Variants in BRINP3 observed in about 807,000 individuals in gnomAD.
BRINP3 encodes the protein BMP/retinoic acid-inducible neural-specific protein 3.
BRINP3 carries 19 observed loss-of-function variants against 71.0 expected under a neutral mutation model. That is an observed-to-expected ratio of 0.27 (90% confidence interval 0.19 to 0.39). BRINP3 has a LOEUF of 0.39. Among genes scored for constraint, BRINP3 ranks in the 10% least tolerant of loss-of-function variants. The pLI, the probability that BRINP3 is intolerant of heterozygous loss-of-function variation, is 1.00. For missense variants in BRINP3, 959 were observed against 940.8 expected (o/e 1.02, Z -0.25); for synonymous variants, 380 against 337.7 (o/e 1.13, Z -1.37).
chr1:190,286,660 C>T (rs1663447920), intron 2 of BRINP3, among the ~76,000 whole-genome samples: 1 of 152,076 alleles, frequency 6.6e-6, no homozygotes, highest in Non-Finnish European at 1.5e-5. Flanking sequence ...TTTCACATTA[C>T]TATATTTGTT....
intron 2 of BRINP3, among the ~76,000 whole-genome samples, chr1:190,309,499 G>A (rs1368366209): frequency 2.0e-5 from 3 of 151,388 alleles, no homozygotes; most frequent in East Asian, 1.9e-4. Flanking sequence ...ACATGATTTC[G>A]GCATATATTG....
At chr1:190,211,813 A>G (rs528901761) in intron 6 of BRINP3, among the ~76,000 whole-genome samples, 19 of 152,212 alleles carry the variant, frequency 1.2e-4, no homozygotes, top group Non-Finnish European at 2.8e-4. Context: ...GTTAAAAATT[A>G]ATTGAAGTTC....
intron 2 of BRINP3, among the ~76,000 whole-genome samples, chr1:190,406,242 A>T (rs903646741): frequency 5.3e-5 from 8 of 152,214 alleles, no homozygotes; most frequent in African/African-American, 9.7e-5. Flanking sequence ...TGTGCTACTA[A>T]TTCTTAGACA....
At chr1:190,141,216 T>A (rs1655403445) in intron 7 of BRINP3, among the ~76,000 whole-genome samples, 1 of 152,094 alleles carries the variant, frequency 6.6e-6, no homozygotes, top group South Asian at 2.1e-4. Context: ...GATTTGTATC[T>A]CTTGTGGAAA....
chr1:190,214,706 G>A (rs1656256977), intron 6 of BRINP3, among the ~76,000 whole-genome samples: 1 of 151,924 alleles, frequency 6.6e-6, no homozygotes. Context: ...GTCAGCCTGA[G>A]TGTTGGAAGA....
chr1:190,297,993 G>C (rs1410018145), intron 2 of BRINP3, among the ~76,000 whole-genome samples: 1 of 152,056 alleles, frequency 6.6e-6, no homozygotes, highest in Non-Finnish European at 1.5e-5. Context: ...GATTTATTTG[G>C]AGTTTTTAAA....
chr1:190,267,907 C>T (rs1209080734), intron 3 of BRINP3, among the ~76,000 whole-genome samples: 1 of 151,884 alleles, frequency 6.6e-6, no homozygotes, highest in Non-Finnish European at 1.5e-5. Context: ...ATTGATAATA[C>T]TGAAAATGTA....
chr1:190,273,694 T>C (rs776471620), intron 3 of BRINP3, among the ~76,000 whole-genome samples: 3 of 151,622 alleles, frequency 2.0e-5, no homozygotes, highest in Non-Finnish European at 4.4e-5. Context: ...AAATCATCTA[T>C]GTTGAGTCAA....
Position 190,281,570 on chromosome 1 carries a change from A to G in BRINP3, c.417T>C (p.Ala139=). The change falls in exon 3 of 8, where the codon GCT becomes GCC. Residue 139 remains alanine (A), a synonymous_variant. Transcript: ENST00000367462. Reference sequence around the variant, plus strand: ...TTCAAAGAGCCGTACCTCCCAGAGTAGCAGATAGCAAGAAATGTGTCCCAT... The same window carrying G: ...TTCAAAGAGCCGTACCTCCCAGAGTGGCAGATAGCAAGAAATGTGTCCCAT... The part of the protein sequence containing the change: ...KKYGTHFLLS[A]TLGGEESLTI... 1.9e-6 allele frequency: 3 copies of G among 1,612,478 alleles called. No individual in the cohort carries two copies. The highest frequency in any genetic ancestry group is 2.5e-6 in the Non-Finnish European group (3 of 1,178,952).
At chr1:190,132,855 T>C (rs1188612553) in intron 7 of BRINP3, among the ~76,000 whole-genome samples, 1 of 152,116 alleles carries the variant, frequency 6.6e-6, no homozygotes, top group East Asian at 1.9e-4. Context: ...GTTTTCCTTC[T>C]CACTCTAACT....
chr1:190,382,905 A>C (rs1247632932), intron 2 of BRINP3, among the ~76,000 whole-genome samples: 1 of 152,128 alleles, frequency 6.6e-6, no homozygotes, highest in Non-Finnish European at 1.5e-5. Flanking sequence ...CAGTTCCTTC[A>C]ATTCACTGTG....
In BRINP3 at chr1:190,343,730, C is replaced by T. The variant is rs775471523; in HGVS notation, c.237-61980G>A. ...GTACGTCTTCTACCAATCAATAAAC[C>T]GACTCTGTATGTACTTCAATTACAC... is the stretch of plus-strand genomic sequence containing the variant. On this transcript the variant is annotated intron_variant, in intron 2 of 7. Transcript: ENST00000367462. 6.5e-4 allele frequency among the ~76,000 whole-genome samples: 98 copies of T among 151,160 alleles called. 2 individuals carry two copies. The highest frequency in any genetic ancestry group is 2.2e-4 in the Non-Finnish European group (15 of 67,598).
chr1:190,222,345 T>C (rs1571404753), intron 6 of BRINP3, among the ~76,000 whole-genome samples: 1 of 150,576 alleles, frequency 6.6e-6, no homozygotes, highest in African/African-American at 2.4e-5. Flanking sequence ...AAGAAGGCAA[T>C]TAAAAAAAAC....
intron 3 of BRINP3, among the ~76,000 whole-genome samples, chr1:190,277,989 A>G (rs1304604705): frequency 6.6e-6 from 1 of 151,782 alleles, no homozygotes; most frequent in East Asian, 1.9e-4. Flanking sequence ...TTCTCTATAG[A>G]TAGAATGATA....
intron 2 of BRINP3, among the ~76,000 whole-genome samples, chr1:190,414,839 T>C (rs1489515950): frequency 6.6e-6 from 1 of 152,124 alleles, no homozygotes; most frequent in Non-Finnish European, 1.5e-5. Flanking sequence ...CTGAGAAGCA[T>C]TCAAATCAAG....
Position 190,097,990 on chromosome 1 carries a change from G to C in BRINP3, c.*28C>G, listed in dbSNP as rs375495949. ...AAAAGCACTGTAAAAACTCCTTCAA[G>C]ATTTTGGGTTGTGCTTGACATTTAT... is the stretch of plus-strand genomic sequence containing the variant. On this transcript the variant is annotated 3_prime_UTR_variant, in exon 8 of 8. Transcript: ENST00000367462. 1.9e-6 allele frequency: 3 copies of C among 1,567,490 alleles called. No homozygotes were observed. Among genetic ancestry groups the C allele is most frequent in the South Asian group, 1.2e-5 (1 of 83,884 alleles).
chr1:190,138,437 T>G (rs772076651), intron 7 of BRINP3, among the ~76,000 whole-genome samples: 6 of 152,182 alleles, frequency 3.9e-5, no homozygotes, highest in Non-Finnish European at 8.8e-5. Flanking sequence ...TAAAATCACC[T>G]TCCAGATATG....
chr1:190,360,458 G>A (rs979498849), intron 2 of BRINP3, among the ~76,000 whole-genome samples: 1 of 152,100 alleles, frequency 6.6e-6, no homozygotes, highest in Non-Finnish European at 1.5e-5. Flanking sequence ...ACAAGACTGA[G>A]GTGTATCATG....
chr1:190,406,613 T>C (rs1334597071), intron 2 of BRINP3, among the ~76,000 whole-genome samples: 8 of 152,098 alleles, frequency 5.3e-5, no homozygotes, highest in Non-Finnish European at 8.8e-5. Flanking sequence ...TAATTTAAAA[T>C]AGGCAAGCAT....
Sources: gnomAD v4.1 joint callset for allele counts (sites outside exome capture counted in the v4.1 genomes callset) on GRCh38, gnomAD v4.1.1 for gene constraint, MANE v1.5 for transcripts, NCBI Gene and HGNC (gene_info 2026-07-23, HGNC 2026-07-21) for gene names.